The following EFNA5 variants were observed in gnomAD, a reference collection of about 807,000 sequenced individuals.
The protein encoded by EFNA5 is ephrin A5, also known as ephrin-A5.
A neutral mutation model predicts 22.9 loss-of-function variants in EFNA5; 5 were observed. The observed-to-expected ratio is 0.22, with a 90% CI of 0.11 to 0.46. The LOEUF (loss-of-function observed/expected upper bound fraction) is 0.46, where lower values mean the gene tolerates loss of function less well. Ranked by LOEUF, EFNA5 falls within the 20% of genes least tolerant of loss-of-function variation. The pLI, the probability that EFNA5 is intolerant of heterozygous loss-of-function variation, is 0.99. For missense variants in EFNA5, 237 were observed against 293.3 expected (o/e 0.81, Z 1.40); for synonymous variants, 113 against 112.2 (o/e 1.01, Z -0.04).
chr5:107,649,196 C>T lies in EFNA5; in HGVS notation c.125+21293G>A, dbSNP rs917167192. 2.0e-5 allele frequency among the ~76,000 whole-genome samples: 3 copies of T among 152,006 alleles called. No individual in the cohort carries two copies. The South Asian group carries it at 6.2e-4, about 31-fold the overall frequency. On this transcript the variant is annotated intron_variant, in intron 1 of 4. Transcript: ENST00000333274. ...ACCTTGTAAAGATGAAAAACAGAGT[C>T]CCAGAGCAATCGATGACTTGATTAA...
At chr5:107,416,419 T>G (rs1176448279) in intron 2 of EFNA5, among the ~76,000 whole-genome samples, 2 of 152,202 alleles carry the variant, frequency 1.3e-5, no homozygotes, top group Non-Finnish European at 2.9e-5. Flanking sequence ...ACCCCAGTAC[T>G]AACTACATGA....
chr5:107,466,665 C>T (rs1332443825), intron 1 of EFNA5, among the ~76,000 whole-genome samples: 4 of 152,198 alleles, frequency 2.6e-5, no homozygotes, highest in Non-Finnish European at 2.9e-5. Context: ...CCTGTTTGTA[C>T]ACCACTCACT....
intron 1 of EFNA5, among the ~76,000 whole-genome samples, chr5:107,449,182 C>G (rs1193163934): frequency 6.6e-6 from 1 of 152,076 alleles, no homozygotes; most frequent in East Asian, 1.9e-4. Context: ...TTTAGTGGAA[C>G]ACTGAGACTA....
chr5:107,530,046 C>T (rs569315115), intron 1 of EFNA5, among the ~76,000 whole-genome samples: 1 of 152,162 alleles, frequency 6.6e-6, no homozygotes, highest in South Asian at 2.1e-4. Flanking sequence ...ATATCTTACC[C>T]ATGCTCTAGC....
At chr5:107,591,943 TTATATATAATATATAA>T (rs1749354169) in intron 1 of EFNA5, among the ~76,000 whole-genome samples, 1 of 18,816 alleles carries the variant, frequency 5.3e-5, no homozygotes, top group Non-Finnish European at 7.3e-5. Context: ...AATATATATA[TTATATATAATATATAA>T]TATATATAAT....
At chr5:107,661,810 CATCAAGT>C (rs1247759848) in intron 1 of EFNA5, among the ~76,000 whole-genome samples, 6 of 152,088 alleles carry the variant, frequency 3.9e-5, no homozygotes, top group African/African-American at 1.4e-4. Context: ...AAATATAAAA[CATCAAGT>C]ATCATGTCTG....
At position 107,423,413 on chromosome 5, in the gene EFNA5, T is replaced by TAAAA. The variant is rs11484483; in HGVS notation, c.418+3800_418+3803dup. On this transcript the variant is annotated intron_variant, in intron 2 of 4. Transcript: ENST00000333274. ...TTTTTTAAGTTTCTAAAAGGAGTAT[T>TAAAA]AAAAAAAAAAAAAAGACAGGGTTTT... Among the ~76,000 whole-genome samples the TAAAA allele has an allele frequency of 4.9e-4, 71 of 145,382 alleles. No individual in the cohort carries two copies. The South Asian group carries it at 5.1e-3, about 10-fold the overall frequency.
At chr5:107,606,799 T>C (rs1749734551) in intron 1 of EFNA5, among the ~76,000 whole-genome samples, 1 of 152,192 alleles carries the variant, frequency 6.6e-6, no homozygotes, top group African/African-American at 2.4e-5. Context: ...AACAATGCAC[T>C]CTGATATCCT....
chr5:107,397,587 C>T lies in EFNA5; in HGVS notation c.419-9816G>A, dbSNP rs149504275. Among the ~76,000 whole-genome samples, 24 of 151,754 alleles carry T rather than the reference C, an allele frequency of 1.6e-4. No individual in the cohort carries two copies. The East Asian group carries it at 4.3e-3, about 27-fold the overall frequency. On this transcript the variant is annotated intron_variant, in intron 2 of 4. Transcript: ENST00000333274. The stretch of plus-strand genomic sequence containing the variant: ...TGGGGGTAATTATCTATTTTATTTA[C>T]ACAAATCAATGATTTCTTTGGTTGT...
At chr5:107,514,366 T>C (rs1430658426) in intron 1 of EFNA5, among the ~76,000 whole-genome samples, 2 of 152,236 alleles carry the variant, frequency 1.3e-5, no homozygotes, top group Admixed American at 6.5e-5. Context: ...AAAGCATTTG[T>C]GTGCTTTTCT....
At chr5:107,485,406 C>G (rs25967) in intron 1 of EFNA5, among the ~76,000 whole-genome samples, 8,165 of 152,256 alleles carry the variant, frequency 0.054, 472 homozygotes, top group East Asian at 0.17. Flanking sequence ...CTGAGGTGTG[C>G]TAGTGTAACT....
intron 1 of EFNA5, among the ~76,000 whole-genome samples, chr5:107,598,532 AC>A (rs1171540113): frequency 6.6e-6 from 1 of 152,176 alleles, no homozygotes; most frequent in Non-Finnish European, 1.5e-5. Context: ...CAAAAGAAAG[AC>A]TGGACAATGA....
At chr5:107,457,549 A>C (rs1403609986) in intron 1 of EFNA5, among the ~76,000 whole-genome samples, 1 of 152,186 alleles carries the variant, frequency 6.6e-6, no homozygotes, top group African/African-American at 2.4e-5. Context: ...TGGCAAGAAA[A>C]AAGTCTGTAC....
chr5:107,485,117 AG>A (rs1405685496), intron 1 of EFNA5, among the ~76,000 whole-genome samples: 1 of 152,160 alleles, frequency 6.6e-6, no homozygotes, highest in Non-Finnish European at 1.5e-5. Flanking sequence ...ATCTAAGAGG[AG>A]GGTTTGAATT....
At chr5:107,448,613 G>A (rs887855294) in intron 1 of EFNA5, among the ~76,000 whole-genome samples, 9 of 151,822 alleles carry the variant, frequency 5.9e-5, no homozygotes, top group Non-Finnish European at 1.2e-4. Context: ...GGCGGATCAC[G>A]AGATCAGGAG....
intron 1 of EFNA5, among the ~76,000 whole-genome samples, chr5:107,638,849 C>A (rs75407349): frequency 0.011 from 1,712 of 152,008 alleles, 36 homozygotes; most frequent in African/African-American, 0.036. Context: ...TATACACACA[C>A]AAAAAAATAA....
chr5:107,597,944 C>T (rs1240297030), intron 1 of EFNA5, among the ~76,000 whole-genome samples: 1 of 152,148 alleles, frequency 6.6e-6, no homozygotes, highest in Non-Finnish European at 1.5e-5. Context: ...TAATAATTAT[C>T]TGTAAGCACA....
chr5:107,560,663 G>A (rs991589977), intron 1 of EFNA5, among the ~76,000 whole-genome samples: 4 of 152,184 alleles, frequency 2.6e-5, no homozygotes, highest in Non-Finnish European at 5.9e-5. Flanking sequence ...GTGGCTTAAC[G>A]TTGTGGTTAT....
chr5:107,505,660 C>T (rs752988129), intron 1 of EFNA5, among the ~76,000 whole-genome samples: 19 of 152,122 alleles, frequency 1.2e-4, no homozygotes, highest in Non-Finnish European at 2.2e-4. Flanking sequence ...TAACTGATTG[C>T]GTAGTGAAAA....
Sources: allele counts gnomAD v4.1 joint callset (sites outside exome capture counted in the v4.1 genomes callset), GRCh38; gene constraint gnomAD v4.1.1; transcripts MANE v1.5; gene names NCBI Gene and HGNC (gene_info 2026-07-23, HGNC 2026-07-21).